Variants in XYLT1 observed in about 807,000 individuals in gnomAD.
XYLT1 encodes xylosyltransferase 1, also known as beta-D-xylosyltransferase 1.
A neutral mutation model predicts 91.3 loss-of-function variants in XYLT1; 36 were observed. The observed-to-expected ratio is 0.39, with a 90% confidence interval of 0.30 to 0.52. XYLT1 has a LOEUF of 0.52. Among genes scored for constraint, XYLT1 ranks in the 20% least tolerant of loss-of-function variants. The pLI is 0.68. For missense variants in XYLT1, 1,242 were observed against 1,284.5 expected, an observed-to-expected ratio of 0.97 and a Z score of 0.51; for synonymous variants, 588 against 532.0, an observed-to-expected ratio of 1.11 and a Z score of -1.45.
At chr16:17,333,895 A>C (rs1385984057) in intron 2 of XYLT1, among the ~76,000 whole-genome samples, 1 of 152,120 alleles carries the variant, frequency 6.6e-6, no homozygotes, top group Non-Finnish European at 1.5e-5. Flanking sequence ...CCTCATGTTG[A>C]AATTTAATCC....
chr16:17,251,210 C>A (rs1022363374), intron 3 of XYLT1: 1 of 152,266 alleles, frequency 6.6e-6, no homozygotes, highest in African/African-American at 2.4e-5. Flanking sequence ...AAAATCCATT[C>A]CTGCAAAGGC....
chr16:17,404,788 A>G (rs752901041), intron 1 of XYLT1, among the ~76,000 whole-genome samples: 3 of 152,198 alleles, frequency 2.0e-5, no homozygotes, highest in African/African-American at 7.2e-5. Context: ...AAAATTTAAA[A>G]AGAAAAACAT....
intron 1 of XYLT1, among the ~76,000 whole-genome samples, chr16:17,379,384 G>A (rs1332523822): frequency 6.6e-6 from 1 of 152,228 alleles, no homozygotes; most frequent in African/African-American, 2.4e-5. Context: ...TTAAATCAGG[G>A]AGGCCGACTA....
At chr16:17,194,557 C>T (rs1334025184) in intron 5 of XYLT1, among the ~76,000 whole-genome samples, 1 of 152,224 alleles carries the variant, frequency 6.6e-6, no homozygotes, top group Non-Finnish European at 1.5e-5. Flanking sequence ...GGGGTCCTCC[C>T]AGGACCATCC....
intron 2 of XYLT1, among the ~76,000 whole-genome samples, chr16:17,285,376 C>A (rs773798460): frequency 8.5e-5 from 13 of 152,188 alleles, no homozygotes; most frequent in Admixed American, 2.6e-4. Context: ...GGAACTTGCG[C>A]TAGATGCTTC....
At chr16:17,210,326 C>T (rs771764359) in intron 3 of XYLT1, among the ~76,000 whole-genome samples, 10 of 152,046 alleles carry the variant, frequency 6.6e-5, no homozygotes, top group Admixed American at 1.3e-4. Flanking sequence ...GGTGAAACCC[C>T]GTTTCTACTA....
At chr16:17,162,527 C>T (rs1044485479) in intron 5 of XYLT1, among the ~76,000 whole-genome samples, 1 of 151,862 alleles carries the variant, frequency 6.6e-6, no homozygotes, top group African/African-American at 2.4e-5. Flanking sequence ...GGACAAATGT[C>T]ACAGCTTGTG....
intron 5 of XYLT1, among the ~76,000 whole-genome samples, chr16:17,164,605 A>G (rs1421389019): frequency 1.3e-5 from 2 of 152,200 alleles, no homozygotes; most frequent in Admixed American, 1.3e-4. Flanking sequence ...GGTACCTGAC[A>G]TAAGTGGAAT....
At chr16:17,202,534 C>T (rs1173500561) in intron 3 of XYLT1, among the ~76,000 whole-genome samples, 1 of 152,144 alleles carries the variant, frequency 6.6e-6, no homozygotes, top group Non-Finnish European at 1.5e-5. Context: ...GCCTTAGGAC[C>T]TTCTCCCTGG....
intron 5 of XYLT1, among the ~76,000 whole-genome samples, chr16:17,171,357 C>A (rs1040990606): frequency 6.6e-6 from 1 of 152,142 alleles, no homozygotes; most frequent in Non-Finnish European, 1.5e-5. Flanking sequence ...TCTCCTTGGG[C>A]AGCTTGCCAC....
At chr16:17,319,252 G>A (rs1272869207) in intron 2 of XYLT1, among the ~76,000 whole-genome samples, 1 of 152,158 alleles carries the variant, frequency 6.6e-6, no homozygotes, top group Admixed American at 6.5e-5. Flanking sequence ...CAGAATGCCT[G>A]GAACTTATAA....
intron 5 of XYLT1, among the ~76,000 whole-genome samples, chr16:17,161,477 G>T (rs575740412): frequency 6.6e-6 from 1 of 152,248 alleles, no homozygotes; most frequent in South Asian, 2.1e-4. Flanking sequence ...CTCTCCCTCT[G>T]TGTGAAATGC....
At chr16:17,456,207 A>C (rs1269308014) in intron 1 of XYLT1, among the ~76,000 whole-genome samples, 1 of 146,516 alleles carries the variant, frequency 6.8e-6, no homozygotes, top group Non-Finnish European at 1.5e-5. Context: ...TTCACACTCG[A>C]CCTTTTTTTT....
chr16:17,392,546 A>C (rs1171910963), intron 1 of XYLT1, among the ~76,000 whole-genome samples: 1 of 152,220 alleles, frequency 6.6e-6, no homozygotes, highest in African/African-American at 2.4e-5. Flanking sequence ...CTCCTAAAAA[A>C]TATTTATTGA....
intron 3 of XYLT1, among the ~76,000 whole-genome samples, chr16:17,220,490 TG>T (rs1302087687): frequency 1.2e-4 from 18 of 152,318 alleles, no homozygotes; most frequent in African/African-American, 3.8e-4. Flanking sequence ...TTTTTGTTTT[TG>T]AGACGTAGTC....
intron 1 of XYLT1, among the ~76,000 whole-genome samples, chr16:17,413,958 G>T (rs754421757): frequency 2.6e-5 from 4 of 152,154 alleles, no homozygotes; most frequent in Admixed American, 6.5e-5. Context: ...GGCAGCTAGA[G>T]ACCCCTCTAG....
At chr16:17,155,516 A>G (rs1292927512) in intron 6 of XYLT1, among the ~76,000 whole-genome samples, 7 of 152,202 alleles carry the variant, frequency 4.6e-5, no homozygotes, top group Non-Finnish European at 1.0e-4. Context: ...CACCAGTGAA[A>G]GAACTTGAGC....
chr16:17,358,819 G>C (rs887693400), intron 1 of XYLT1, among the ~76,000 whole-genome samples: 44 of 152,200 alleles, frequency 2.9e-4, no homozygotes, highest in African/African-American at 1.0e-3. Context: ...ATCTTGGAAA[G>C]AACAAGGGAA....
At chr16:17,320,836 A>G (rs1274161650) in intron 2 of XYLT1, among the ~76,000 whole-genome samples, 2 of 122,690 alleles carry the variant, frequency 1.6e-5, no homozygotes, top group Non-Finnish European at 3.5e-5. Flanking sequence ...CACGGAAATG[A>G]GGTTAATGAT....
Sources: allele counts gnomAD v4.1 joint callset (sites outside exome capture counted in the v4.1 genomes callset), GRCh38; gene constraint gnomAD v4.1.1; transcripts MANE v1.5; gene names NCBI Gene and HGNC (gene_info 2026-07-23, HGNC 2026-07-21).